Variants in KLHL1 observed in about 807,000 individuals in gnomAD.
KLHL1 encodes kelch like family member 1.
KLHL1 carries 47 observed loss-of-function variants against 77.7 expected under a neutral mutation model. The observed-to-expected ratio is 0.60, with a 90% confidence interval of 0.48 to 0.77. The LOEUF (loss-of-function observed/expected upper bound fraction) is 0.77. KLHL1 is among the 30% of genes least tolerant of loss of function. The probability of loss-of-function intolerance (pLI) is 0.00; values close to 1 mark genes in which losing one functional copy is unlikely to be tolerated. For synonymous variants in KLHL1, 360 were observed against 325.2 expected, an observed-to-expected ratio of 1.11 and a Z score of -1.15; for missense variants, 925 against 910.8, an observed-to-expected ratio of 1.02 and a Z score of -0.20.
chr13:69,781,092 A>G (rs1012412922), intron 7 of KLHL1, among the ~76,000 whole-genome samples: 1 of 130,590 alleles, frequency 7.7e-6, no homozygotes, highest in African/African-American at 3.0e-5. Context: ...ATACATTAGG[A>G]CTGCCCAAAT....
In KLHL1 at chr13:69,731,729, A is replaced by T. The variant is rs181023658; in HGVS notation, c.1802+8665T>A. Among the ~76,000 whole-genome samples, 611 of 152,292 alleles carry T rather than the reference A, an allele frequency of 4.0e-3. 1 individual carries two copies. The highest frequency in any genetic ancestry group is 0.01 in the South Asian group (50 of 4,830). On this transcript the variant is annotated intron_variant, in intron 8 of 10. Transcript: ENST00000377844. ...CTGGTTCACCTTTTCTTTCTTATCTAATAGCTTTTTAAAAATAATAATGGA... is the reference window on the plus strand; with the variant it reads ...CTGGTTCACCTTTTCTTTCTTATCTTATAGCTTTTTAAAAATAATAATGGA...
At chr13:69,885,861 G>A (rs1881197753) in intron 4 of KLHL1, among the ~76,000 whole-genome samples, 1 of 152,192 alleles carries the variant, frequency 6.6e-6, no homozygotes, top group South Asian at 2.1e-4. Context: ...AATCAACTCT[G>A]TAGAATCCAG....
intron 6 of KLHL1, among the ~76,000 whole-genome samples, chr13:69,803,725 A>G (rs1877492337): frequency 6.6e-6 from 1 of 152,196 alleles, no homozygotes; most frequent in South Asian, 2.1e-4. Context: ...AAGCATGAGC[A>G]GGACTTGACT....
Position 69,719,564 on chromosome 13 carries a change from C to A in KLHL1, c.1820G>T (p.Gly607Val). 6.2e-7 allele frequency: 1 copy of A among 1,611,988 alleles called. No individual in the cohort carries two copies. Among genetic ancestry groups the A allele is most frequent in the African/African-American group, 1.3e-5 (1 of 74,356 alleles). Residue 607 changes from glycine to valine, a missense_variant, in exon 9 of 11, where the codon GGT becomes GTT. Gly to Val is a moderately radical substitution (Grantham distance 109). Coordinates refer to ENST00000377844, the MANE Select transcript of KLHL1 (RefSeq NM_020866.3). ...ALNGKLYSVG[G>V]RDGSSCLSSM... Reference sequence around the variant, plus strand: ...ACTCAAACAGGAACTTCCATCACGACCTCCAACTGAATACAACCTAAAAAC... The same window carrying A: ...ACTCAAACAGGAACTTCCATCACGAACTCCAACTGAATACAACCTAAAAAC...
intron 7 of KLHL1, among the ~76,000 whole-genome samples, chr13:69,767,844 C>A (rs987389724): frequency 1.3e-5 from 2 of 152,088 alleles, no homozygotes; most frequent in African/African-American, 4.8e-5. Context: ...GTGGCATAGA[C>A]TACTGCTGCT....
At position 70,022,347 on chromosome 13, in the gene KLHL1, G is replaced by C. The variant is rs9529670; in HGVS notation, c.498-46545C>G. Among the ~76,000 whole-genome samples the C allele has an allele frequency of 5.9e-3, 880 of 150,410 alleles. 8 individuals are homozygous for C. Among genetic ancestry groups the C allele is most frequent in the Middle Eastern group, 0.014 (4 of 292 alleles). ...ATCTCTATTCTATTCCATTGACCTA[G>C]TTCCTATATGTTTTCTTTTTGTCAC... On this transcript the variant is annotated intron_variant, in intron 1 of 10. Coordinates refer to ENST00000377844, the MANE Select transcript of KLHL1 (RefSeq NM_020866.3).
At chr13:69,802,182 C>T (rs1206149940) in intron 6 of KLHL1, among the ~76,000 whole-genome samples, 2 of 152,130 alleles carry the variant, frequency 1.3e-5, no homozygotes, top group East Asian at 1.9e-4. Context: ...CATGTCCCTG[C>T]AAAGGACATA....
At chr13:70,029,205 G>A (rs991159023) in intron 1 of KLHL1, among the ~76,000 whole-genome samples, 3 of 152,038 alleles carry the variant, frequency 2.0e-5, no homozygotes, top group Admixed American at 2.0e-4. Context: ...TTGAACTTGC[G>A]GCCTGTGATA....
At chr13:70,040,832 C>G (rs900390031) in intron 1 of KLHL1, among the ~76,000 whole-genome samples, 1 of 152,056 alleles carries the variant, frequency 6.6e-6, no homozygotes, top group Non-Finnish European at 1.5e-5. Flanking sequence ...GTCTTACCCC[C>G]ATTTTCACCA....
chr13:69,939,943 T>C (rs1883315701), intron 4 of KLHL1, 97 bp downstream of exon 4: 1 of 910,534 alleles, frequency 1.1e-6, no homozygotes, highest in African/African-American at 1.7e-5. Context: ...AAAACTCATT[T>C]TAAACTTAAA....
In KLHL1 at chr13:69,902,763, G is replaced by C. The variant is rs568582829; in HGVS notation, c.1015-20268C>G. On this transcript the variant is annotated intron_variant, in intron 4 of 10. Coordinates refer to ENST00000377844, the MANE Select transcript of KLHL1 (RefSeq NM_020866.3). ...CATATCGGGGTCTGTTGTAGGGTTGGGGGAGGGGGGAGGGATAGCATTAGG... is the reference window on the plus strand; with the variant it reads ...CATATCGGGGTCTGTTGTAGGGTTGCGGGAGGGGGGAGGGATAGCATTAGG... Among the ~76,000 whole-genome samples the C allele has an allele frequency of 2.9e-5, 4 of 139,234 alleles. No homozygotes were observed. The East Asian group carries it at 9.9e-4, about 35-fold the overall frequency. 91.3% of individuals were successfully genotyped at this position (139,234 alleles called of 152,430 possible).
intron 5 of KLHL1, among the ~76,000 whole-genome samples, chr13:69,866,346 T>C (rs1880363936): frequency 1.3e-5 from 2 of 151,998 alleles, no homozygotes; most frequent in Admixed American, 6.6e-5. Context: ...ATAGACAAAC[T>C]CATAGAAATT....
At chr13:69,711,392 C>T (rs1409042909) in intron 9 of KLHL1, among the ~76,000 whole-genome samples, 1 of 151,946 alleles carries the variant, frequency 6.6e-6, no homozygotes, top group Non-Finnish European at 1.5e-5. Context: ...AAAAGAATGG[C>T]ACATAGATTT....
At position 69,758,947 on chromosome 13, in the gene KLHL1, A is replaced by T. The variant is rs555800963; in HGVS notation, c.1640-18391T>A. Among the ~76,000 whole-genome samples, 4 of 152,296 alleles carry T rather than the reference A, an allele frequency of 2.6e-5. No homozygotes were observed. The South Asian group carries it at 6.2e-4, about 24-fold the overall frequency. ...TGCTGAAAATAAGTTTGAAACGATG[A>T]CACAGGTACCCTCCCTAATGTTCCC... On this transcript the variant is annotated intron_variant, in intron 7 of 10. Transcript: ENST00000377844.
At chr13:70,105,068 A>G (rs551336249) in intron 1 of KLHL1, among the ~76,000 whole-genome samples, 1 of 152,126 alleles carries the variant, frequency 6.6e-6, no homozygotes, top group South Asian at 2.1e-4. Context: ...TTTGTCTAGT[A>G]AGAAACTAGA....
intron 8 of KLHL1, among the ~76,000 whole-genome samples, chr13:69,736,907 G>T (rs1022917267): frequency 4.6e-5 from 7 of 152,064 alleles, no homozygotes; most frequent in Admixed American, 3.9e-4. Context: ...TAGCCAATAT[G>T]GGAAATAGAA....
intron 1 of KLHL1, among the ~76,000 whole-genome samples, chr13:70,022,579 AT>A (rs1885832698): frequency 9.2e-6 from 1 of 108,810 alleles, no homozygotes; most frequent in South Asian, 3.5e-4. Flanking sequence ...ATGATGAATT[AT>A]TTTTAGATTT....
At chr13:70,016,586 G>A (rs1234155661) in intron 1 of KLHL1, among the ~76,000 whole-genome samples, 1 of 152,180 alleles carries the variant, frequency 6.6e-6, no homozygotes, top group Non-Finnish European at 1.5e-5. Flanking sequence ...GCCTCCTTCT[G>A]TTTCAGCCCC....
intron 1 of KLHL1, among the ~76,000 whole-genome samples, chr13:70,092,475 G>T (rs1887692036): frequency 6.6e-6 from 1 of 152,022 alleles, no homozygotes; most frequent in African/African-American, 2.4e-5. Flanking sequence ...TAGCAATAAA[G>T]TTAAAAGCAT....
Sources: allele counts gnomAD v4.1 joint callset (sites outside exome capture counted in the v4.1 genomes callset), GRCh38; gene constraint gnomAD v4.1.1; transcripts MANE v1.5; gene names NCBI Gene and HGNC (gene_info 2026-07-23, HGNC 2026-07-21).